IPPK: variants seen among roughly 807,000 people sequenced by gnomAD.
IPPK encodes inositol-pentakisphosphate 2-kinase.
IPPK carries 22 observed loss-of-function variants against 64.6 expected under a neutral mutation model. The observed-to-expected ratio is 0.34, with a 90% CI of 0.24 to 0.49. The LOEUF is 0.49. IPPK is among the 20% of genes least tolerant of loss of function. The probability of loss-of-function intolerance (pLI) is 0.99; values close to 1 mark genes in which losing one functional copy is unlikely to be tolerated. For missense variants in IPPK, 532 were observed against 630.7 expected, an observed-to-expected ratio of 0.84 and a Z score of 1.68; for synonymous variants, 262 against 247.2, an observed-to-expected ratio of 1.06 and a Z score of -0.56.
chr9:92,631,261 T>C (rs1246366392), intron 11 of IPPK, among the ~76,000 whole-genome samples: 1 of 149,418 alleles, frequency 6.7e-6, no homozygotes, highest in African/African-American at 2.5e-5. Context: ...AGTGGTGCAA[T>C]CTTGGCTCAC....
At chr9:92,660,851 T>G (rs1852468228) in intron 1 of IPPK, among the ~76,000 whole-genome samples, 1 of 152,136 alleles carries the variant, frequency 6.6e-6, no homozygotes, top group Non-Finnish European at 1.5e-5. Flanking sequence ...TCACATAAAG[T>G]ATAAGTTAAT....
chr9:92,628,993 A>G (rs564041922), intron 11 of IPPK, among the ~76,000 whole-genome samples: 2 of 152,258 alleles, frequency 1.3e-5, no homozygotes, highest in Admixed American at 6.5e-5. Flanking sequence ...GGGGAGGTTG[A>G]GGCAGGATTA....
rs762023536 is a variant in IPPK at position 92,670,037 on chromosome 9, G to C, written c.-49C>G. The C allele has an allele frequency of 2.2e-6, 3 of 1,378,260 alleles. No homozygotes were observed. Among genetic ancestry groups the C allele is most frequent in the Non-Finnish European group, 3.0e-6 (3 of 1,000,858 alleles). The allele number at this position is 1,378,260 out of a possible 1,614,324, so 85.4% of individuals were successfully genotyped here. A position where few individuals can be genotyped will look rare whatever the true frequency, so the allele number is the denominator to read the frequency against. ...CGCGGGCTAGGACTCGGGGACGCGA[G>C]CTGGGGGCCGCCCGCCTCGCTGGGA... On this transcript the variant is annotated 5_prime_UTR_variant, in exon 1 of 13. Coordinates refer to ENST00000287996, the MANE Select transcript of IPPK (RefSeq NM_022755.6).
intron 1 of IPPK, among the ~76,000 whole-genome samples, chr9:92,664,066 G>GCAGCTC (rs1363928420): frequency 6.6e-6 from 1 of 152,152 alleles, no homozygotes; most frequent in Non-Finnish European, 1.5e-5. Context: ...GCTTACCCCC[G>GCAGCTC]CAGCTCCAGC....
intron 6 of IPPK, among the ~76,000 whole-genome samples, chr9:92,646,757 A>G (rs577723730): frequency 6.6e-6 from 1 of 152,240 alleles, no homozygotes; most frequent in Admixed American, 6.6e-5. Flanking sequence ...GGAGATTGAA[A>G]CCATCCTGAC....
At chr9:92,621,906 A>T (rs749882387) in intron 11 of IPPK, among the ~76,000 whole-genome samples, 3 of 152,218 alleles carry the variant, frequency 2.0e-5, no homozygotes, top group Non-Finnish European at 4.4e-5. Context: ...CTCGACACCA[A>T]GGCTGAACAC....
At chr9:92,622,927 A>G (rs978963199) in intron 11 of IPPK, among the ~76,000 whole-genome samples, 1 of 152,222 alleles carries the variant, frequency 6.6e-6, no homozygotes, top group Non-Finnish European at 1.5e-5. Context: ...TTCCATTTGA[A>G]AAGAAAATAA....
rs1564031492 is a variant in IPPK, at chr9:92,635,242, T to C, written c.983A>G (p.Gln328Arg). ...TTCGATGTCCAGCAGGTCCAACATC[T>C]GCACCTGGAGGGTTTTGTACAGAAG... The part of the protein sequence containing the change: ...GCLLYKTLQV[Q>R]MLDLLDIEGL... The change falls in exon 10 of 13, where the codon CAG becomes CGG. Residue 328 changes from glutamine to arginine, a missense_variant. Transcript: ENST00000287996. The surrounding 1 kb of genome is among the most constrained non-coding windows in gnomAD (Gnocchi z 4.4). 6.2e-7 allele frequency: 1 copy of C among 1,614,094 alleles called. No individual in the cohort carries two copies.
chr9:92,636,679 G>T (rs1246914639), intron 9 of IPPK, among the ~76,000 whole-genome samples: 2 of 151,990 alleles, frequency 1.3e-5, no homozygotes, highest in Admixed American at 1.3e-4. Context: ...TATATGTGAT[G>T]ATATAGATAC....
chr9:92,624,418 C>T (rs1851698459), intron 11 of IPPK, among the ~76,000 whole-genome samples: 1 of 151,870 alleles, frequency 6.6e-6, no homozygotes, highest in South Asian at 2.1e-4. Context: ...AAGATCGCAC[C>T]ACTGCACTCC....
rs755196776 is a variant in IPPK, at chr9:92,638,249, G to A, written c.668C>T (p.Ala223Val). 4 of 1,614,088 alleles carry A rather than the reference G, an allele frequency of 2.5e-6. No individual in the cohort carries two copies. The Admixed American group carries it at 6.7e-5, about 27-fold the overall frequency. ...GCTCCAGTCAGCCACGGGGCTCCGGGCATCTTTGCAGCCGTAAATCAGCTC... is the reference window on the plus strand; with the variant it reads ...GCTCCAGTCAGCCACGGGGCTCCGGACATCTTTGCAGCCGTAAATCAGCTC... ...NGELIYGCKD[A>V]RSPVADWSEL... Residue 223 changes from alanine to valine, a missense_variant, in exon 9 of 13, where the codon GCC becomes GTC. Ala to Val is a moderately conservative substitution (Grantham distance 64). Coordinates refer to ENST00000287996, the MANE Select transcript of IPPK (RefSeq NM_022755.6).
At chr9:92,621,001 G>C (rs2131418154) in intron 11 of IPPK, among the ~76,000 whole-genome samples, 1 of 152,350 alleles carries the variant, frequency 6.6e-6, no homozygotes, top group Non-Finnish European at 1.5e-5. Flanking sequence ...GGCGCCAGCA[G>C]ATCTGCTATC....
intron 9 of IPPK, among the ~76,000 whole-genome samples, chr9:92,636,054 T>TTGGCACC (rs1174570855): frequency 1.3e-5 from 2 of 152,144 alleles, no homozygotes; most frequent in Non-Finnish European, 2.9e-5. Flanking sequence ...TCACAGTTGT[T>TTGGCACC]TGGCACCTGT....
At chr9:92,624,066 G>C (rs1851691214) in intron 11 of IPPK, among the ~76,000 whole-genome samples, 1 of 152,242 alleles carries the variant, frequency 6.6e-6, no homozygotes, top group Non-Finnish European at 1.5e-5. Context: ...GCCAGGCACA[G>C]TGGCTCACGC....
At chr9:92,618,296 C>T in intron 12 of IPPK, 1 of 456,714 alleles carries the variant, frequency 2.2e-6, no homozygotes, top group Non-Finnish European at 4.4e-6. Context: ...TCAGGACATG[C>T]CCTCCCCTCC....
intron 5 of IPPK, 46 bp downstream of exon 5, chr9:92,649,407 C>A: frequency 1.2e-6 from 2 of 1,611,570 alleles, no homozygotes; most frequent in African/African-American, 1.3e-5. Context: ...CTACCCAAGA[C>A]TGACCTTTCC....
chr9:92,642,995 C>A lies in IPPK; in HGVS notation c.505-185G>T, dbSNP rs991112556. Reference sequence around the variant, plus strand: ...GTGGCGGAGGGAGCCACTTGACTTCCATTCAAGGAAACCTTGGCCCCATCT... The same window carrying A: ...GTGGCGGAGGGAGCCACTTGACTTCAATTCAAGGAAACCTTGGCCCCATCT... On this transcript the variant is annotated intron_variant, in intron 6 of 12. Coordinates refer to ENST00000287996, the MANE Select transcript of IPPK (RefSeq NM_022755.6). 8.5e-5 allele frequency among the ~76,000 whole-genome samples: 13 copies of A among 152,386 alleles called. No individual in the cohort carries two copies. The South Asian group carries it at 2.7e-3, about 32-fold the overall frequency.
At chr9:92,650,153 C>T (rs1403348038) in intron 4 of IPPK, among the ~76,000 whole-genome samples, 1 of 151,664 alleles carries the variant, frequency 6.6e-6, no homozygotes, top group African/African-American at 2.4e-5. Flanking sequence ...GAAACCCCAT[C>T]TCTACTAAAA....
intron 4 of IPPK, among the ~76,000 whole-genome samples, chr9:92,651,804 C>T (rs1311604697): frequency 6.6e-6 from 1 of 152,206 alleles, no homozygotes; most frequent in Non-Finnish European, 1.5e-5. Context: ...AAATCTCTGC[C>T]TCCCGGGTTC....
Sources: allele counts gnomAD v4.1 joint callset (sites outside exome capture counted in the v4.1 genomes callset), GRCh38; gene constraint gnomAD v4.1.1; non-coding constraint Gnocchi (gnomAD v3.1); transcripts MANE v1.5; gene names NCBI Gene and HGNC (gene_info 2026-07-23, HGNC 2026-07-21).